Variants in TTN observed in about 807,000 individuals in gnomAD.
The protein encoded by TTN is titin.
TTN carries 1,525 observed loss-of-function variants against 3,223.0 expected under a neutral mutation model. The ratio of observed to expected loss-of-function variants is 0.47; its 90% CI spans 0.45 to 0.49. TTN has a LOEUF of 0.49. Among genes scored for constraint, TTN ranks in the 20% least tolerant of loss-of-function variants. The probability of loss-of-function intolerance (pLI) is 0.00; values close to 1 mark genes in which losing one functional copy is unlikely to be tolerated. For synonymous variants in TTN, 14,094 were observed against 15,161.0 expected (o/e 0.93, Z 5.17); for missense variants, 40,786 against 43,424.0 (o/e 0.94, Z 5.40).
Position 178,601,028 on chromosome 2 carries a change from T to A in TTN, c.55876A>T (p.Thr18626Ser). The change falls in exon 288 of 363, where the codon ACA becomes TCA. Residue 18626 changes from threonine (T) to serine (S), a missense_variant. Physicochemically the swap from Thr to Ser is moderately conservative, Grantham distance 58 (BLOSUM62 1). Transcript: ENST00000589042. ...CACTGCCTCCAGGCTTCTTTCTTTG[T>A]CCCAGTAGGGTCCCATGCAAGGCAC... ...VECLAWDPTG[T>S]KKEAWRQCNK... 1 of 1,613,060 alleles carries A rather than the reference T, an allele frequency of 6.2e-7. No individual in the cohort carries two copies. Among genetic ancestry groups the A allele is most frequent in the Non-Finnish European group, 8.5e-7 (1 of 1,179,352 alleles).
chr2:178,544,507 C>T lies in TTN; in HGVS notation c.95723-1G>A. The T allele has an allele frequency of 6.3e-7, 1 of 1,583,252 alleles. No homozygotes were observed. ...GGAGCAGAAGGTGGTCCAGGGGTAT[C>T]TGTGGAATTTAAAAAGTGAGATGCA... On this transcript the variant is annotated splice_acceptor_variant, in intron 344 of 362. Coordinates refer to ENST00000589042, the MANE Select transcript of TTN (RefSeq NM_001267550.2). LOFTEE classifies it high-confidence loss of function.
chr2:178,693,767 A>G, intron 118 of TTN, 78 bp from the exon 119 acceptor site: 1 of 1,296,270 alleles, frequency 7.7e-7, no homozygotes, highest in Non-Finnish European at 1.1e-6. Context: ...ACATTAAAAT[A>G]AAAATGAAAA....
intron 6 of TTN, among the ~76,000 whole-genome samples, chr2:178,796,193 T>C (rs2093759429): frequency 6.6e-6 from 1 of 152,194 alleles, no homozygotes; most frequent in South Asian, 2.1e-4. Context: ...ATTGGCCAAC[T>C]ATTGTAAGGT....
rs574419329 is a variant in TTN at position 178,752,053 on chromosome 2, A to AC, written c.11311+1070_11311+1071insG. On this transcript the variant is annotated intron_variant, in intron 47 of 362. Transcript: ENST00000589042. ...CAGAGAATAATTCTGGAAAAAAAAA[A>AC]AAAAACCTTTACTATTTTCCATAGA... The AC allele has an allele frequency of 9.4e-4, 1,497 of 1,587,288 alleles. 13 individuals carry two copies. In the African/African-American group the frequency reaches 0.019, roughly 20 times the overall value.
rs571933515 is a variant in TTN, at chr2:178,680,063, G to A, written c.33419-8C>T. 3 of 1,610,640 alleles carry A rather than the reference G, an allele frequency of 1.9e-6. No homozygotes were observed. In the African/African-American group the frequency reaches 4.0e-5, roughly 22 times the overall value. On this transcript the variant is annotated splice_region_variant and splice_polypyrimidine_tract_variant and intron_variant, in intron 139 of 362. Coordinates refer to ENST00000589042, the MANE Select transcript of TTN (RefSeq NM_001267550.2). ...CTTTAGGCACTTCTGGCACTTTAAAGATATTATCTTTAAGTTGGACATTTG... is the reference window on the plus strand; with the variant it reads ...CTTTAGGCACTTCTGGCACTTTAAAAATATTATCTTTAAGTTGGACATTTG...
chr2:178,776,013 C>T lies in TTN; in HGVS notation c.5851G>A (p.Val1951Ile), dbSNP rs765382880. ...AACTGAAGCTTTCCTGGTTCATGTA[C>T]GTGAAACTCAGGCCTTGGTTCAGGA... is the stretch of plus-strand genomic sequence containing the variant. ...RAPEPRPEFHVHEPGKLQFEV... is the reference protein window; with the variant it reads ...RAPEPRPEFHIHEPGKLQFEV... Residue 1951 changes from valine to isoleucine, a missense_variant, in exon 28 of 363, where the codon GTA (valine) becomes ATA (isoleucine). Coordinates refer to ENST00000589042, the MANE Select transcript of TTN (RefSeq NM_001267550.2). 5.0e-6 allele frequency: 8 copies of T among 1,614,006 alleles called. No individual in the cohort carries two copies. Among genetic ancestry groups the T allele is most frequent in the East Asian group, 4.5e-5 (2 of 44,892 alleles).
At chr2:178,767,239 T>C (rs766434661) in intron 40 of TTN, among the ~76,000 whole-genome samples, 2 of 152,218 alleles carry the variant, frequency 1.3e-5, no homozygotes, top group Admixed American at 6.5e-5. Context: ...TGGACACTTA[T>C]GAGGACAAGC....
Position 178,618,239 on chromosome 2 carries a change from G to A in TTN, c.47219C>T (p.Thr15740Ile), listed in dbSNP as rs1184522966. The A allele has an allele frequency of 1.9e-6, 3 of 1,612,858 alleles. No individual in the cohort carries two copies. The South Asian group carries it at 3.3e-5, about 18-fold the overall frequency. The change falls in exon 252 of 363, where the codon ACT becomes ATT. Residue 15740 changes from threonine (T) to isoleucine (I), a missense_variant. Transcript: ENST00000589042. Reference protein sequence around the residue: ...FRVSARNRVGTGEPVETDNPV... With the variant: ...FRVSARNRVGIGEPVETDNPV... ...ATTGTCAGTTTCTACTGGCTCACCA[G>A]TGCCAACTCTGTTTCTTGCACTCAC...
At chr2:178,598,163 T>A (rs1005435472) in intron 292 of TTN, 105 bp from the exon 293 acceptor site, 1 of 1,315,160 alleles carries the variant, frequency 7.6e-7, no homozygotes, top group Admixed American at 2.3e-5. Flanking sequence ...CTGTTTACTC[T>A]GGGAAAATTG....
chr2:178,725,557 T>C lies in TTN; in HGVS notation c.20647A>G (p.Ile6883Val). Residue 6883 changes from isoleucine to valine, a missense_variant, in exon 71 of 363, where the codon ATT becomes GTT. Transcript: ENST00000589042. ...TTCTCTTTAAGCCACTGGACAAAAATAGGCTGGGCGCCTTCTATGGATGCT... is the reference window on the plus strand; with the variant it reads ...TTCTCTTTAAGCCACTGGACAAAAACAGGCTGGGCGCCTTCTATGGATGCT... ...LQASIEGAQP[I>V]FVQWLKEKEE... 1 of 1,613,210 alleles carries C rather than the reference T, an allele frequency of 6.2e-7. No homozygotes were observed.
rs1355222139 is a variant in TTN, at chr2:178,570,623, C to A, written c.75509G>T (p.Ser25170Ile). 1.2e-6 allele frequency: 2 copies of A among 1,613,482 alleles called. No individual in the cohort carries two copies. The highest frequency in any genetic ancestry group is 3.3e-5 in the Admixed American group (2 of 59,982). Residue 25170 changes from serine (S) to isoleucine (I), a missense_variant, in exon 326 of 363, where the codon AGT (serine) becomes ATT (isoleucine). Coordinates refer to ENST00000589042, the MANE Select transcript of TTN (RefSeq NM_001267550.2). ...GTCGACACGTACTGCATCTTTTACA[C>A]TGAGACTGGTGGCAAAGTCGGTGCT... ...IKSTDFATSLSVKDAVRVDSG... is the reference protein window; with the variant it reads ...IKSTDFATSLIVKDAVRVDSG...
chr2:178,620,825 T>G lies in TTN; in HGVS notation c.45785A>C (p.Tyr15262Ser). ...GTGTGCATCTCTAATTCTGAGGGTG[T>G]AGACTAGGTCTTTTTGGAGAATGAT... ...KYIILQKDLVYTLRIRDAHLD... is the reference protein window; with the variant it reads ...KYIILQKDLVSTLRIRDAHLD... Residue 15262 changes from tyrosine to serine, a missense_variant, in exon 247 of 363, where the codon TAC (tyrosine) becomes TCC (serine). Physicochemically the swap from Tyr to Ser is moderately radical, Grantham distance 144. Coordinates refer to ENST00000589042, the MANE Select transcript of TTN (RefSeq NM_001267550.2). 1.2e-6 allele frequency: 2 copies of G among 1,612,738 alleles called. No individual in the cohort carries two copies. The highest frequency in any genetic ancestry group is 2.2e-5 in the South Asian group (2 of 91,058).
At chr2:178,754,543 A>T (rs1285268187) in intron 46 of TTN, among the ~76,000 whole-genome samples, 1 of 152,110 alleles carries the variant, frequency 6.6e-6, no homozygotes, top group African/African-American at 2.4e-5. Context: ...TAGATTCTTT[A>T]GGAAGTGAGT....
chr2:178,724,243 A>G lies in TTN; in HGVS notation c.21115+17T>C, dbSNP rs1257410516. ...AGGAATTTGCATAAGCAACCAGAAG[A>G]AAACAGCAGAACTAACCTGAAACAT... On this transcript the variant is annotated intron_variant, in intron 72 of 362. Transcript: ENST00000589042. 13 of 1,601,172 alleles carry G rather than the reference A, an allele frequency of 8.1e-6. No homozygotes were observed. Among genetic ancestry groups the G allele is most frequent in the Non-Finnish European group, 1.1e-5 (13 of 1,173,990 alleles).
In TTN at chr2:178,615,115, C is replaced by T. The variant is rs1440823397; in HGVS notation, c.48639-147G>A. Reference sequence around the variant, plus strand: ...ATTACTTCAACACTATAACTGAATACATTTTCATTTCAATACTGTCATGAA... The same window carrying T: ...ATTACTTCAACACTATAACTGAATATATTTTCATTTCAATACTGTCATGAA... On this transcript the variant is annotated intron_variant, in intron 259 of 362. Coordinates refer to ENST00000589042, the MANE Select transcript of TTN (RefSeq NM_001267550.2). The T allele has an allele frequency of 3.0e-6, 3 of 991,410 alleles. 1 individual carries two copies. The African/African-American group carries it at 4.9e-5, about 16-fold the overall frequency. 61.4% of individuals were successfully genotyped at this position (991,410 alleles called of 1,614,324 possible). A position where few individuals can be genotyped will look rare whatever the true frequency, so the allele number is the denominator to read the frequency against.
rs72646883 is a variant in TTN, at chr2:178,576,913, C to G, written c.69412+10G>C. On this transcript the variant is annotated intron_variant, in intron 324 of 362. Coordinates refer to ENST00000589042, the MANE Select transcript of TTN (RefSeq NM_001267550.2). This position sits in a 1 kb window ranked among gnomAD's most constrained non-coding sequence, Gnocchi z 4.3. ...GTTTCCATGTCAATTCCCTCACATG[C>G]TCTACATACCAAATCTGTCTACCAT... The G allele has an allele frequency of 3.5e-4, 565 of 1,607,940 alleles. No individual in the cohort carries two copies. In the African/African-American group the frequency reaches 6.1e-3, roughly 17 times the overall value.
chr2:178,722,780 A>T lies in TTN; in HGVS notation c.22119T>A (p.Phe7373Leu). Residue 7373 changes from phenylalanine (F) to leucine (L), a missense_variant, in exon 76 of 363, where the codon TTT (phenylalanine) becomes TTA (leucine). Physicochemically the swap from Phe to Leu is conservative, Grantham distance 22. Coordinates refer to ENST00000589042, the MANE Select transcript of TTN (RefSeq NM_001267550.2). ...LRPTPEYRTY[F>L]TNNVATLVFN... ...AAACAAGTGTGGCCACATTGTTTGT[A>T]AAGTAGGTCCTGTATTCAGGAGTTG... 2 of 1,613,312 alleles carry T rather than the reference A, an allele frequency of 1.2e-6. No homozygotes were observed. The highest frequency in any genetic ancestry group is 8.5e-7 in the Non-Finnish European group (1 of 1,179,542).
rs747560869 is a variant in TTN at position 178,591,462 on chromosome 2, A to G, written c.60263T>C (p.Leu20088Pro). The change falls in exon 304 of 363, where the codon CTT becomes CCT. Residue 20088 changes from leucine to proline, a missense_variant. By Grantham distance (98) the Leu-to-Pro change is moderately conservative. Transcript: ENST00000589042. ...VELDVKLIEG[L>P]VVKAGTTVRF... Reference sequence around the variant, plus strand: ...GACTGTGGTTCCAGCCTTTACCACAAGACCTTCAATTAATTTCACATCTAG... The same window carrying G: ...GACTGTGGTTCCAGCCTTTACCACAGGACCTTCAATTAATTTCACATCTAG... 2.5e-6 allele frequency: 4 copies of G among 1,590,130 alleles called. No homozygotes were observed. The highest frequency in any genetic ancestry group is 3.4e-6 in the Non-Finnish European group (4 of 1,171,758).
At position 178,663,911 on chromosome 2, in the gene TTN, A is replaced by G. The variant is rs772349629; in HGVS notation, c.36365-9T>C. 2.7e-5 allele frequency: 44 copies of G among 1,613,216 alleles called. No individual in the cohort carries two copies. The highest frequency in any genetic ancestry group is 4.0e-5 in the African/African-American group (3 of 74,864). On this transcript the variant is annotated splice_polypyrimidine_tract_variant and intron_variant, in intron 169 of 362. Transcript: ENST00000589042. ...TTTGGAAGCTTCTGGCACTTGAAAG[A>G]TATTAGTGAAATTACATTTAGGTGT...
Sources: gnomAD v4.1 joint callset for allele counts (sites outside exome capture counted in the v4.1 genomes callset) on GRCh38, gnomAD v4.1.1 for gene constraint, Gnocchi (gnomAD v3.1) non-coding constraint, MANE v1.5 for transcripts, NCBI Gene and HGNC (gene_info 2026-07-23, HGNC 2026-07-21) for gene names.